AZU1: variants seen among roughly 807,000 people sequenced by gnomAD.
AZU1 encodes azurocidin 1.
In AZU1, 21 loss-of-function variants were observed where a neutral mutation model predicts 17.8. That is an observed-to-expected ratio of 1.18 (90% CI 0.84 to 1.70). AZU1 has a LOEUF of 1.70. Among genes scored for constraint, AZU1 ranks in the 40% most tolerant of loss-of-function variants. AZU1 has a pLI of 0.00. For synonymous variants in AZU1, 178 were observed against 155.2 expected, an observed-to-expected ratio of 1.15 and a Z score of -1.09; for missense variants, 379 against 362.9, an observed-to-expected ratio of 1.04 and a Z score of -0.36.
At position 831,721 on chromosome 19, in the gene AZU1, C is replaced by CG; in HGVS notation, c.605dup (p.Thr203HisfsTer25). The CG allele has an allele frequency of 6.2e-7, 1 of 1,603,358 alleles. No individual in the cohort carries two copies. Among genetic ancestry groups the CG allele is most frequent in the Non-Finnish European group, 8.5e-7 (1 of 1,175,594 alleles). ...CACAGCTGCTGCCTGCCCAGGGGGA[C>CG]GGGGGCACCCCCCTCGTCTGCGAGG... On this transcript the variant is annotated frameshift_variant, in exon 5 of 5. Transcript: ENST00000233997. LOFTEE classifies it low-confidence loss of function (END_TRUNC).
At chr19:830,652 C>T (rs2035275561) in intron 3 of AZU1, 56 bp from the exon 4 acceptor site, 1 of 1,434,914 alleles carries the variant, frequency 7.0e-7, no homozygotes, top group African/African-American at 1.4e-5. Flanking sequence ...CCCAGGGGTC[C>T]CCATGAGGCT....
chr19:830,175 G>C (rs2035270471), intron 3 of AZU1, among the ~76,000 whole-genome samples: 1 of 151,988 alleles, frequency 6.6e-6, no homozygotes, highest in African/African-American at 2.4e-5. Context: ...CAGGAGAATC[G>C]CTTGAACCCG....
Position 830,907 on chromosome 19 carries a change from C to G in AZU1, c.560C>G (p.Thr187Ser), listed in dbSNP as rs1053310212. Reference sequence around the variant, plus strand: ...CAGTGTCGCCCCAACAACGTGTGCACCGGTGTGCTCACCCGCCGCGGTGGC... The same window carrying G: ...CAGTGTCGCCCCAACAACGTGTGCAGCGGTGTGCTCACCCGCCGCGGTGGC... Reference protein sequence around the residue: ...EDQCRPNNVCTGVLTRRGGIC... With the variant: ...EDQCRPNNVCSGVLTRRGGIC... Residue 187 changes from threonine to serine, a missense_variant, in exon 4 of 5, where the codon ACC becomes AGC. Coordinates refer to ENST00000233997, the MANE Select transcript of AZU1 (RefSeq NM_001700.5). 1 of 1,603,972 alleles carries G rather than the reference C, an allele frequency of 6.2e-7. No homozygotes were observed. Among genetic ancestry groups the G allele is most frequent in the South Asian group, 1.1e-5 (1 of 91,066 alleles).
At chr19:828,450 T>G in intron 2 of AZU1, 64 bp downstream of exon 2, 2 of 1,365,316 alleles carry the variant, frequency 1.5e-6, no homozygotes, top group Non-Finnish European at 1.9e-6. Context: ...TTGGGGGGCT[T>G]AGGCATTCAG....
intron 4 of AZU1, 29 bp downstream of exon 4, chr19:830,970 G>T (rs756215262): frequency 1.9e-6 from 3 of 1,586,512 alleles, no homozygotes; most frequent in Non-Finnish European, 1.7e-6. Context: ...GGGAGGAGGG[G>T]TCCTGAGAGG....
In AZU1 at chr19:827,913, C is replaced by T. The variant is rs768465758; in HGVS notation, c.58+9C>T. 5.9e-6 allele frequency: 9 copies of T among 1,536,820 alleles called. No homozygotes were observed. The Admixed American group carries it at 1.4e-4, about 23-fold the overall frequency. ...GGCGTCCTCGAGGGCCGGTGAGTGC[C>T]TCTCTGTGCCGGTGGTCCCCCATCT... On this transcript the variant is annotated intron_variant, in intron 1 of 4. Coordinates refer to ENST00000233997, the MANE Select transcript of AZU1 (RefSeq NM_001700.5).
chr19:830,084 A>G (rs1320514654), intron 3 of AZU1, among the ~76,000 whole-genome samples: 1 of 151,822 alleles, frequency 6.6e-6, no homozygotes, highest in East Asian at 1.9e-4. Flanking sequence ...ACATGGTGAA[A>G]CCCCATCTCT....
chr19:828,124 C>T, intron 1 of AZU1, 106 bp from the exon 2 acceptor site: 1 of 1,375,340 alleles, frequency 7.3e-7, no homozygotes. Context: ...GGGTGGGTCC[C>T]CCCGCAGCCC....
chr19:830,559 C>A, intron 3 of AZU1, 149 bp from the exon 4 acceptor site: 1 of 688,048 alleles, frequency 1.5e-6, no homozygotes, highest in South Asian at 2.3e-5. Context: ...GGAATACAGG[C>A]GTGAGCCACC....
Position 831,974 on chromosome 19 carries a change from C to T in AZU1, c.*97C>T, listed in dbSNP as rs942715776. On this transcript the variant is annotated 3_prime_UTR_variant, in exon 5 of 5. Transcript: ENST00000233997. ...GGCCCCGCCCCTGCCCCCGCTCCGG[C>T]CAGAGGGGCCCTGGCTGTAATAAAG... is the stretch of plus-strand genomic sequence containing the variant. The T allele has an allele frequency of 7.2e-7, 1 of 1,381,498 alleles. No individual in the cohort carries two copies. Among genetic ancestry groups the T allele is most frequent in the Non-Finnish European group, 9.9e-7 (1 of 1,014,280 alleles). The allele number at this position is 1,381,498 out of a possible 1,614,324, so 85.6% of individuals were successfully genotyped here.
chr19:829,456 A>G, intron 2 of AZU1, 106 bp from the exon 3 acceptor site: 1 of 1,423,512 alleles, frequency 7.0e-7, no homozygotes, highest in Non-Finnish European at 9.5e-7. Flanking sequence ...AGGGTGAAGG[A>G]TTGCAGTCTG....
At chr19:829,244 C>G (rs868692745) in intron 2 of AZU1, among the ~76,000 whole-genome samples, 930 of 76,354 alleles carry the variant, frequency 0.012, no homozygotes, top group African/African-American at 0.02. Context: ...AGGGAAGGGG[C>G]TCAGATGGAG....
intron 2 of AZU1, among the ~76,000 whole-genome samples, chr19:829,301 G>A (rs1468379181): frequency 6.6e-6 from 1 of 151,078 alleles, no homozygotes; most frequent in African/African-American, 2.4e-5. Flanking sequence ...GCTCAGAGAA[G>A]GGAAGGGACT....
rs951634277 is a variant in AZU1 at position 831,966 on chromosome 19, C to G, written c.*89C>G. ...CCTCCCACGGCCCCGCCCCTGCCCC[C>G]GCTCCGGCCAGAGGGGCCCTGGCTG... On this transcript the variant is annotated 3_prime_UTR_variant, in exon 5 of 5. Coordinates refer to ENST00000233997, the MANE Select transcript of AZU1 (RefSeq NM_001700.5). 4.2e-6 allele frequency: 6 copies of G among 1,442,304 alleles called. No homozygotes were observed. Among genetic ancestry groups the G allele is most frequent in the Middle Eastern group, 2.2e-4 (1 of 4,564 alleles). The allele number at this position is 1,442,304 out of a possible 1,614,324, so 89.3% of individuals were successfully genotyped here. A position where few individuals can be genotyped will look rare whatever the true frequency, so the allele number is the denominator to read the frequency against.
rs1332892911 is a variant in AZU1, at chr19:831,775, C to T, written c.654C>T (p.Ser218=). The T allele has an allele frequency of 2.5e-6, 4 of 1,612,568 alleles. No individual in the cohort carries two copies. In the African/African-American group the frequency reaches 5.3e-5, roughly 22 times the overall value. ...EGLAHGVASF[S]LGPCGRGPDF... is the part of the protein sequence containing the mutation. ...TGGCCCACGGCGTGGCCTCCTTTTC[C>T]CTGGGGCCCTGTGGCCGAGGCCCTG... is the stretch of plus-strand genomic sequence containing the variant. The change falls in exon 5 of 5, where the codon TCC becomes TCT. Residue 218 remains serine (S), a synonymous_variant. Coordinates refer to ENST00000233997, the MANE Select transcript of AZU1 (RefSeq NM_001700.5).
At chr19:828,561 G>C (rs1446694185) in intron 2 of AZU1, among the ~76,000 whole-genome samples, 175 bp downstream of exon 2, 1 of 151,344 alleles carries the variant, frequency 6.6e-6, no homozygotes, top group Admixed American at 6.6e-5. Context: ...GTTGAGGAGG[G>C]ACCCAAGGAT....
At chr19:831,386 G>A in intron 4 of AZU1, 2 of 372,454 alleles carry the variant, frequency 5.4e-6, no homozygotes, top group South Asian at 1.0e-4. Context: ...CTGAGAAACA[G>A]TAGCTATCAA....
intron 4 of AZU1, 160 bp from the exon 5 acceptor site, chr19:831,556 A>G: frequency 2.4e-6 from 2 of 850,372 alleles, no homozygotes; most frequent in Non-Finnish European, 3.5e-6. Context: ...CCCAAAGTCC[A>G]CTAGCAGTTA....
chr19:831,926 G>A lies in AZU1; in HGVS notation c.*49G>A, dbSNP rs756457623. On this transcript the variant is annotated 3_prime_UTR_variant, in exon 5 of 5. Transcript: ENST00000233997. The stretch of plus-strand genomic sequence containing the variant: ...GCCCAGCCCCGCCCTCCACACCTCC[G>A]GCGCTCCGCACCCACCTCCCACGGC... 34 of 1,572,244 alleles carry A rather than the reference G, an allele frequency of 2.2e-5. No homozygotes were observed. Among genetic ancestry groups the A allele is most frequent in the South Asian group, 5.7e-5 (5 of 87,168 alleles).
Sources: allele counts gnomAD v4.1 joint callset (sites outside exome capture counted in the v4.1 genomes callset), GRCh38; gene constraint gnomAD v4.1.1; transcripts MANE v1.5; gene names NCBI Gene and HGNC (gene_info 2026-07-23, HGNC 2026-07-21).